Variants in FHAD1 observed in about 807,000 individuals in gnomAD.
The protein encoded by FHAD1 is forkhead associated phosphopeptide binding domain 1.
A neutral mutation model predicts 191.3 loss-of-function variants in FHAD1; 146 were observed. The observed-to-expected ratio is 0.76, with a 90% CI of 0.67 to 0.88. FHAD1 has a LOEUF of 0.88. Among genes scored for constraint, FHAD1 ranks in the 40% least tolerant of loss-of-function variants. The pLI, the probability that FHAD1 is intolerant of heterozygous loss-of-function variation, is 0.00. For missense variants in FHAD1, 1,635 were observed against 1,785.8 expected (o/e 0.92, Z 1.52); for synonymous variants, 616 against 672.3 (o/e 0.92, Z 1.29).
At chr1:15,376,097 A>ATTTATTTT (rs1699580805) in intron 28 of FHAD1, among the ~76,000 whole-genome samples, 1 of 118,798 alleles carries the variant, frequency 8.4e-6, no homozygotes, top group Non-Finnish European at 1.8e-5. Flanking sequence ...TTATTTTTTT[A>ATTTATTTT]TTTATTTTTT....
intron 3 of FHAD1, among the ~76,000 whole-genome samples, chr1:15,278,203 G>C (rs959889463): frequency 2.0e-5 from 3 of 152,180 alleles, no homozygotes; most frequent in Non-Finnish European, 4.4e-5. Flanking sequence ...TGAGTAGACA[G>C]AGATCATATG....
intron 3 of FHAD1, among the ~76,000 whole-genome samples, chr1:15,284,297 G>A (rs1354077429): frequency 9.9e-5 from 15 of 151,996 alleles, no homozygotes; most frequent in Admixed American, 2.6e-4. Flanking sequence ...TGGCTAATAC[G>A]GTGAAACCCT....
At chr1:15,353,070 A>G (rs1204986990) in intron 20 of FHAD1, 86 bp downstream of exon 20, 1 of 960,904 alleles carries the variant, frequency 1.0e-6, no homozygotes, top group Non-Finnish European at 1.6e-6. Flanking sequence ...TTCAAATCCT[A>G]CCTCTCCCCA....
intron 21 of FHAD1, among the ~76,000 whole-genome samples, chr1:15,359,047 C>T (rs1456951842): frequency 2.6e-5 from 4 of 151,860 alleles, no homozygotes; most frequent in South Asian, 2.1e-4. Context: ...AGGACAGTGC[C>T]GAAGGAGACT....
At chr1:15,310,159 A>T (rs1671807139) in intron 7 of FHAD1, among the ~76,000 whole-genome samples, 1 of 152,184 alleles carries the variant, frequency 6.6e-6, no homozygotes, top group Non-Finnish European at 1.5e-5. Flanking sequence ...ATGAGTCCAG[A>T]TTGGGCATAT....
chr1:15,332,861 T>A (rs1056526331), intron 14 of FHAD1, among the ~76,000 whole-genome samples: 2 of 152,178 alleles, frequency 1.3e-5, no homozygotes, highest in Non-Finnish European at 2.9e-5. Context: ...TGAACAACAT[T>A]AAGCAGGTTT....
rs552315228 is a variant in FHAD1, at chr1:15,339,790, CTGTT to C, written c.1977+245_1977+248del. Among the ~76,000 whole-genome samples, 150 of 152,198 alleles carry C rather than the reference CTGTT, an allele frequency of 9.9e-4. 1 individual carries two copies. Among genetic ancestry groups the C allele is most frequent in the Non-Finnish European group, 1.8e-3 (123 of 68,014 alleles). ...CCTCTGGCCTCCTGGGCCAACCACACTGTTTGTTTTCCTCTGTCAAAGGCCCAGA... is the reference window on the plus strand; with the variant it reads ...CCTCTGGCCTCCTGGGCCAACCACACTGTTTTCCTCTGTCAAAGGCCCAGA... On this transcript the variant is annotated intron_variant, in intron 15 of 33. Transcript: ENST00000688493.
downstream of FHAD1, among the ~76,000 whole-genome samples, chr1:15,399,088 A>G (rs1187313965): frequency 1.3e-5 from 2 of 152,142 alleles, no homozygotes; most frequent in African/African-American, 4.8e-5. Context: ...TCCCAAAGTG[A>G]TGGGATTACA....
chr1:15,399,207 G>A (rs1398526898), downstream of FHAD1, among the ~76,000 whole-genome samples: 1 of 152,082 alleles, frequency 6.6e-6, no homozygotes, highest in Non-Finnish European at 1.5e-5. Flanking sequence ...TAAACCTGGG[G>A]GAAGTAGGAC....
At chr1:15,272,217 G>A (rs1266441551) in intron 2 of FHAD1, 106 bp from the exon 3 acceptor site, 1 of 991,848 alleles carries the variant, frequency 1.0e-6, no homozygotes. Flanking sequence ...GAGGATTGTC[G>A]TGATGATCTG....
chr1:15,380,640 C>T, intron 28 of FHAD1, 61 bp from the exon 29 acceptor site: 1 of 1,330,900 alleles, frequency 7.5e-7, no homozygotes, highest in Non-Finnish European at 1.1e-6. Context: ...GCTTTAGCTT[C>T]CAGTCATAGA....
rs1410985449 is a variant in FHAD1, at chr1:15,325,965, CT to C, written c.1474-1093del. 1.3e-5 allele frequency: 2 copies of C among 152,534 alleles called. No homozygotes were observed. The highest frequency in any genetic ancestry group is 1.9e-4 in the East Asian group (1 of 5,196). 9.4% of individuals were successfully genotyped at this position (152,534 alleles called of 1,614,324 possible). On this transcript the variant is annotated intron_variant, in intron 11 of 33. Coordinates refer to ENST00000688493, the MANE Select transcript of FHAD1 (RefSeq NM_001391957.1). The surrounding 1 kb of genome is among the most constrained non-coding windows in gnomAD (Gnocchi z 4.6). ...GGGCAGCCATTCCTGTGGGGAGCCC[CT>C]GATGGCAATGGGGGACCATCATTCA...
chr1:15,368,314 G>T (rs6660764), intron 25 of FHAD1, among the ~76,000 whole-genome samples: 4,152 of 152,216 alleles, frequency 0.027, 85 homozygotes, highest in African/African-American at 0.058. Context: ...CGAGGACAGG[G>T]TCTGTGTAGA....
intron 20 of FHAD1, among the ~76,000 whole-genome samples, chr1:15,357,313 G>C (rs1275609767): frequency 6.6e-6 from 1 of 152,190 alleles, no homozygotes; most frequent in Non-Finnish European, 1.5e-5. Context: ...ACTCAGAATA[G>C]AATGTTGACT....
At chr1:15,394,650 A>C (rs1705315727) in intron 33 of FHAD1, among the ~76,000 whole-genome samples, 1 of 151,908 alleles carries the variant, frequency 6.6e-6, no homozygotes. Flanking sequence ...GTCCTAACAG[A>C]CTCTTCCATT....
intron 22 of FHAD1, among the ~76,000 whole-genome samples, chr1:15,362,083 G>A (rs1304576093): frequency 6.6e-6 from 1 of 152,124 alleles, no homozygotes; most frequent in Non-Finnish European, 1.5e-5. Context: ...GTTTGAGATT[G>A]AGCTGGGACC....
intron 32 of FHAD1, among the ~76,000 whole-genome samples, chr1:15,389,533 G>A (rs1351856617): frequency 1.3e-5 from 2 of 150,438 alleles, no homozygotes; most frequent in South Asian, 2.1e-4. Flanking sequence ...CTGAAATGAT[G>A]GCTCTCTGCT....
chr1:15,341,249 T>C (rs1686551148), intron 15 of FHAD1, among the ~76,000 whole-genome samples: 1 of 152,222 alleles, frequency 6.6e-6, no homozygotes, highest in African/African-American at 2.4e-5. Flanking sequence ...CGATTTGGCC[T>C]GTGGGCTGTA....
chr1:15,265,141 G>A (rs1652852193), intron 2 of FHAD1, among the ~76,000 whole-genome samples: 1 of 152,128 alleles, frequency 6.6e-6, no homozygotes, highest in African/African-American at 2.4e-5. Flanking sequence ...TTCTTATAAT[G>A]TCTTTGGTTT....
Sources: gnomAD v4.1 joint callset for allele counts (sites outside exome capture counted in the v4.1 genomes callset) on GRCh38, gnomAD v4.1.1 for gene constraint, Gnocchi (gnomAD v3.1) non-coding constraint, MANE v1.5 for transcripts, NCBI Gene and HGNC (gene_info 2026-07-23, HGNC 2026-07-21) for gene names.